The following ARHGAP10 variants were observed in gnomAD, a reference collection of about 807,000 sequenced individuals.
ARHGAP10 encodes Rho GTPase activating protein 10.
ARHGAP10 carries 87 observed loss-of-function variants against 108.6 expected under a neutral mutation model. That is an observed-to-expected ratio of 0.80 (90% CI 0.67 to 0.96). The LOEUF (loss-of-function observed/expected upper bound fraction) is 0.96. Ranked by LOEUF, ARHGAP10 falls within the 40% of genes least tolerant of loss-of-function variation. The pLI is 0.00. For missense variants in ARHGAP10, 939 were observed against 954.5 expected, an observed-to-expected ratio of 0.98 and a Z score of 0.21; for synonymous variants, 347 against 341.1, an observed-to-expected ratio of 1.02 and a Z score of -0.19.
At position 148,046,269 on chromosome 4, in the gene ARHGAP10, T is replaced by TA. The variant is rs199985726; in HGVS notation, c.1868-614dup. On this transcript the variant is annotated intron_variant, in intron 19 of 22. Transcript: ENST00000336498. The stretch of plus-strand genomic sequence containing the variant: ...GAATGGATACATTGTGCAACTCATT[T>TA]AAAAAAAAATTTAGCTTTGGTTTAA... 4.3e-3 allele frequency among the ~76,000 whole-genome samples: 658 copies of TA among 152,094 alleles called. 9 individuals are homozygous for TA. The highest frequency in any genetic ancestry group is 0.015 in the African/African-American group (616 of 41,492).
intron 11 of ARHGAP10, among the ~76,000 whole-genome samples, 186 bp downstream of exon 11, chr4:147,906,905 AGT>A (rs1736521007): frequency 6.6e-6 from 1 of 152,180 alleles, no homozygotes; most frequent in African/African-American, 2.4e-5. Flanking sequence ...ATATAAGACT[AGT>A]GTATCATTAG....
At chr4:147,863,929 G>A (rs1278099955) in intron 5 of ARHGAP10, 1 of 152,160 alleles carries the variant, frequency 6.6e-6, no homozygotes, top group African/African-American at 2.4e-5. Flanking sequence ...TTGTACAGTA[G>A]CCACCCTAGT....
intron 18 of ARHGAP10, among the ~76,000 whole-genome samples, chr4:147,995,946 T>G (rs1578771628): frequency 6.6e-6 from 1 of 152,158 alleles, no homozygotes; most frequent in Non-Finnish European, 1.5e-5. Context: ...CTCCATCTCC[T>G]GACCTCGTGA....
At chr4:147,841,731 T>A (rs903691673) in intron 3 of ARHGAP10, among the ~76,000 whole-genome samples, 1 of 152,150 alleles carries the variant, frequency 6.6e-6, no homozygotes, top group Non-Finnish European at 1.5e-5. Flanking sequence ...TAAATATAAT[T>A]TTTAGGTTCA....
chr4:148,049,979 T>C lies in ARHGAP10; in HGVS notation c.2027+2928T>C, dbSNP rs532937272. Among the ~76,000 whole-genome samples the C allele has an allele frequency of 3.3e-5, 5 of 152,106 alleles. No homozygotes were observed. The East Asian group carries it at 9.7e-4, about 29-fold the overall frequency. On this transcript the variant is annotated intron_variant, in intron 20 of 22. Coordinates refer to ENST00000336498, the MANE Select transcript of ARHGAP10 (RefSeq NM_024605.4). ...GCTTCCTGGGTTCAAGTGATTCTGG[T>C]GCCTCAACCTCCCCAGTAGCTGGGA... is the stretch of plus-strand genomic sequence containing the variant.
intron 10 of ARHGAP10, among the ~76,000 whole-genome samples, chr4:147,887,974 C>A (rs376373792): frequency 1.3e-5 from 2 of 152,012 alleles, no homozygotes; most frequent in African/African-American, 4.8e-5. Flanking sequence ...CATCAGTGGT[C>A]TCCCTGTTGC....
intron 18 of ARHGAP10, among the ~76,000 whole-genome samples, chr4:147,968,522 C>G (rs147696885): frequency 6.6e-6 from 1 of 152,202 alleles, no homozygotes; most frequent in African/African-American, 2.4e-5. Flanking sequence ...GTGGGCTCAC[C>G]TGCATTCCTG....
At chr4:147,777,002 C>T (rs1730322366) in intron 1 of ARHGAP10, among the ~76,000 whole-genome samples, 2 of 152,190 alleles carry the variant, frequency 1.3e-5, no homozygotes, top group African/African-American at 4.8e-5. Flanking sequence ...TGGCTATATT[C>T]ATCACTGATC....
intron 1 of ARHGAP10, among the ~76,000 whole-genome samples, chr4:147,755,486 G>A (rs979409239): frequency 2.0e-5 from 3 of 152,152 alleles, no homozygotes; most frequent in East Asian, 3.9e-4. Context: ...TCACGCCATT[G>A]CACTCCAGCC....
chr4:147,989,335 A>G (rs1204677425), intron 18 of ARHGAP10, among the ~76,000 whole-genome samples: 6 of 152,262 alleles, frequency 3.9e-5, no homozygotes. Flanking sequence ...TTTGGGCACC[A>G]TTGTCATTGA....
At chr4:147,817,723 G>A (rs1320034523) in intron 1 of ARHGAP10, among the ~76,000 whole-genome samples, 3 of 152,222 alleles carry the variant, frequency 2.0e-5, no homozygotes, top group African/African-American at 7.2e-5. Context: ...TTTGAAGGGT[G>A]CAGGTCACAT....
At chr4:147,946,334 A>G in intron 14 of ARHGAP10, 1 of 338,724 alleles carries the variant, frequency 3.0e-6, no homozygotes, top group Non-Finnish European at 5.3e-6. Flanking sequence ...CATGAATTAC[A>G]TTGTGGATGT....
intron 18 of ARHGAP10, among the ~76,000 whole-genome samples, chr4:148,015,669 C>T (rs1741319030): frequency 6.6e-6 from 1 of 152,196 alleles, no homozygotes; most frequent in African/African-American, 2.4e-5. Flanking sequence ...GTGGTAGCTA[C>T]TCTGAGGTTA....
chr4:147,845,313 C>T (rs543371969), intron 3 of ARHGAP10, among the ~76,000 whole-genome samples: 3 of 152,322 alleles, frequency 2.0e-5, no homozygotes, highest in South Asian at 2.1e-4. Flanking sequence ...TTATATATCT[C>T]CTTAGGTGTT....
intron 1 of ARHGAP10, among the ~76,000 whole-genome samples, chr4:147,777,943 G>A (rs962486328): frequency 2.0e-5 from 3 of 152,170 alleles, no homozygotes; most frequent in Admixed American, 6.5e-5. Flanking sequence ...AGAAAGGCAC[G>A]TTGCAGGTCC....
intron 1 of ARHGAP10, among the ~76,000 whole-genome samples, chr4:147,813,166 G>A (rs1732101106): frequency 6.6e-6 from 1 of 150,892 alleles, no homozygotes; most frequent in Admixed American, 6.6e-5. Flanking sequence ...TAAAAGAATT[G>A]TATGTGTTAA....
chr4:147,966,838 A>G lies in ARHGAP10; in HGVS notation c.1715A>G (p.Lys572Arg), dbSNP rs535640268. The G allele has an allele frequency of 1.3e-6, 2 of 1,568,226 alleles. No homozygotes were observed. Among genetic ancestry groups the G allele is most frequent in the African/African-American group, 2.7e-5 (2 of 73,736 alleles). The change falls in exon 18 of 23, where the codon AAG becomes AGG. Residue 572 changes from lysine (K) to arginine (R), a missense_variant and splice_region_variant. By Grantham distance (26) the Lys-to-Arg change is conservative. Coordinates refer to ENST00000336498, the MANE Select transcript of ARHGAP10 (RefSeq NM_024605.4). ...VVEILIENHE[K>R]IFRTPPDTTF... Reference sequence around the variant, plus strand: ...GAAATCTTAATTGAAAACCATGAAAAGGTAAAATTTTTTTTTTCTTTAAGA... The same window carrying G: ...GAAATCTTAATTGAAAACCATGAAAGGGTAAAATTTTTTTTTTCTTTAAGA...
chr4:147,732,418 C>G lies in ARHGAP10; in HGVS notation c.117C>G (p.Leu39=), dbSNP rs200809778. 6.2e-6 allele frequency: 10 copies of G among 1,612,736 alleles called. No individual in the cohort carries two copies. The highest frequency in any genetic ancestry group is 8.5e-7 in the Non-Finnish European group (1 of 1,179,442). The part of the protein sequence containing the change: ...LERTNKFIKE[L]IKDGKNLIAA... ...GGACCAACAAGTTCATCAAAGAGCT[C>G]ATTAAGGACGGGAAGAACCTCATCG... is the stretch of plus-strand genomic sequence containing the variant. The change falls in exon 1 of 23, where the codon CTC becomes CTG. Residue 39 remains leucine, a synonymous_variant. Coordinates refer to ENST00000336498, the MANE Select transcript of ARHGAP10 (RefSeq NM_024605.4).
chr4:147,790,604 T>C (rs1731079213), intron 1 of ARHGAP10, among the ~76,000 whole-genome samples: 1 of 152,212 alleles, frequency 6.6e-6, no homozygotes, highest in South Asian at 2.1e-4. Flanking sequence ...TGAGCACCTC[T>C]TATGAGTCAG....
Sources: gnomAD v4.1 joint callset for allele counts (sites outside exome capture counted in the v4.1 genomes callset) on GRCh38, gnomAD v4.1.1 for gene constraint, MANE v1.5 for transcripts, NCBI Gene and HGNC (gene_info 2026-07-23, HGNC 2026-07-21) for gene names.